The following TNN variants were observed in gnomAD, a reference collection of about 807,000 sequenced individuals.
TNN encodes the protein tenascin N.
Under a neutral mutation model 134.4 loss-of-function variants are expected in TNN, and 122 were observed. The ratio of observed to expected loss-of-function variants is 0.91; its 90% CI spans 0.78 to 1.06. The LOEUF (loss-of-function observed/expected upper bound fraction) is 1.06, where lower values mean the gene tolerates loss of function less well. Among genes scored for constraint, TNN ranks in the 50% least tolerant of loss-of-function variants. TNN has a pLI of 0.00. For synonymous variants in TNN, 710 were observed against 670.3 expected (o/e 1.06, Z -0.91); for missense variants, 1,739 against 1,699.4 (o/e 1.02, Z -0.41).
At chr1:175,096,446 A>G (rs372083443) in intron 7 of TNN, among the ~76,000 whole-genome samples, 1 of 152,200 alleles carries the variant, frequency 6.6e-6, no homozygotes, top group African/African-American at 2.4e-5. Context: ...AGGGTGAGTC[A>G]CTGCATGTGG....
rs1036503430 is a variant in TNN, at chr1:175,095,716, G to A, written c.1588+1463G>A. Among the ~76,000 whole-genome samples the A allele has an allele frequency of 3.3e-5, 5 of 152,164 alleles. No homozygotes were observed. The East Asian group carries it at 9.6e-4, about 29-fold the overall frequency. On this transcript the variant is annotated intron_variant, in intron 7 of 18. Coordinates refer to ENST00000239462, the MANE Select transcript of TNN (RefSeq NM_022093.2). ...AGCCTCCCAAGTAGCTGGGATTTCA[G>A]GCACCCGCCACCACGCCCAGCTAAT...
chr1:175,123,605 C>T lies in TNN; in HGVS notation c.2856C>T (p.His952=), dbSNP rs138474300. 26 of 1,614,128 alleles carry T rather than the reference C, an allele frequency of 1.6e-5. No homozygotes were observed. The highest frequency in any genetic ancestry group is 2.2e-5 in the South Asian group (2 of 91,080). The change falls in exon 12 of 19, where the codon CAC becomes CAT. Residue 952 remains histidine, a synonymous_variant. Transcript: ENST00000239462. ...GLRPGMEYMV[H]VWAQKGAQES... ...GACCAGGCATGGAGTACATGGTGCA[C>T]GTGTGGGCCCAGAAGGGGGCCCAGG...
chr1:175,117,082 G>A lies in TNN; in HGVS notation c.2263G>A (p.Val755Met). Residue 755 changes from valine to methionine, a missense_variant, in exon 10 of 19, where the codon GTG (valine) becomes ATG (methionine). Val to Met is a conservative substitution (Grantham distance 21). Transcript: ENST00000239462. ...GGACGGAGAGACCAGGGAGGTTCCG[G>A]TGGGGAAGGAGCAGAGTAGCACTGT... ...AKDGETREVPVGKEQSSTVLT... is the reference protein window; with the variant it reads ...AKDGETREVPMGKEQSSTVLT... 6.2e-7 allele frequency: 1 copy of A among 1,614,268 alleles called. No individual in the cohort carries two copies. Among genetic ancestry groups the A allele is most frequent in the Non-Finnish European group, 8.5e-7 (1 of 1,180,046 alleles).
At chr1:175,100,206 G>A (rs1212652818) in intron 9 of TNN, among the ~76,000 whole-genome samples, 1 of 152,202 alleles carries the variant, frequency 6.6e-6, no homozygotes, top group Non-Finnish European at 1.5e-5. Flanking sequence ...CTATCTTGGG[G>A]TGGATAATTC....
At chr1:175,127,872 C>T (rs1675571134) in intron 13 of TNN, among the ~76,000 whole-genome samples, 160 bp from the exon 14 acceptor site, 1 of 152,198 alleles carries the variant, frequency 6.6e-6, no homozygotes, top group South Asian at 2.1e-4. Flanking sequence ...GTGGCTGGGA[C>T]CCACTGCGAT....
At chr1:175,115,841 A>G (rs1675153212) in intron 9 of TNN, among the ~76,000 whole-genome samples, 1 of 152,150 alleles carries the variant, frequency 6.6e-6, no homozygotes. Context: ...TAGGTGTACA[A>G]GGTGCTGATA....
rs1005516395 is a variant in TNN at position 175,094,201 on chromosome 1, G to T, written c.1536G>T (p.Trp512Cys). The change falls in exon 7 of 19, where the codon TGG becomes TGT. Residue 512 changes from tryptophan (W) to cysteine (C), a missense_variant. Trp to Cys is a radical substitution (Grantham distance 215). Transcript: ENST00000239462. ...GAGAGGCATACAAGGTCTACGTGTGGGCTGAAAGGGGCAACCAGGGGAGCA... is the reference window on the plus strand; with the variant it reads ...GAGAGGCATACAAGGTCTACGTGTGTGCTGAAAGGGGCAACCAGGGGAGCA... ...KPGEAYKVYV[W>C]AERGNQGSKK... 3.7e-6 allele frequency: 6 copies of T among 1,612,894 alleles called. No individual in the cohort carries two copies. Among genetic ancestry groups the T allele is most frequent in the Non-Finnish European group, 4.2e-6 (5 of 1,179,196 alleles).
chr1:175,099,916 C>T (rs1357413598), intron 9 of TNN, among the ~76,000 whole-genome samples: 1 of 152,172 alleles, frequency 6.6e-6, no homozygotes, highest in Non-Finnish European at 1.5e-5. Flanking sequence ...GTTCCCCCAG[C>T]GCCTCTCTGG....
At position 175,127,000 on chromosome 1, in the gene TNN, C is replaced by T. The variant is rs764006241; in HGVS notation, c.2960C>T (p.Ser987Phe). The change falls in exon 13 of 19, where the codon TCT becomes TTT. Residue 987 changes from serine (S) to phenylalanine (F), a missense_variant. Transcript: ENST00000239462. The stretch of plus-strand genomic sequence containing the variant: ...CTTCGTCCATCTGCTGTAACGCAGT[C>T]TGGTGGCATATTGACCTGGACGCCC... ...RNLRPSAVTQ[S>F]GGILTWTPPS... The T allele has an allele frequency of 1.2e-6, 2 of 1,614,184 alleles. No individual in the cohort carries two copies. Among genetic ancestry groups the T allele is most frequent in the Non-Finnish European group, 1.7e-6 (2 of 1,180,022 alleles).
At chr1:175,145,955 T>C (rs552381908) in intron 18 of TNN, among the ~76,000 whole-genome samples, 1 of 152,282 alleles carries the variant, frequency 6.6e-6, no homozygotes, top group Middle Eastern at 3.4e-3. Flanking sequence ...TCTGCAGCCC[T>C]GATCCTAAGC....
intron 15 of TNN, among the ~76,000 whole-genome samples, chr1:175,130,306 A>C (rs1410988462): frequency 4.6e-5 from 7 of 152,264 alleles, no homozygotes; most frequent in African/African-American, 1.7e-4. Flanking sequence ...TCTGATGAGC[A>C]GCAATGAAGA....
chr1:175,098,648 A>G lies in TNN; in HGVS notation c.2119+53A>G, dbSNP rs1015059864. On this transcript the variant is annotated intron_variant, in intron 9 of 18. Transcript: ENST00000239462. ...GATGCCATGCTCAGGGTCTGTCTAC[A>G]TGGGGTTTTCTTCTCTGACCTTGGC... 7 of 1,608,838 alleles carry G rather than the reference A, an allele frequency of 4.4e-6. No homozygotes were observed. In the African/African-American group the frequency reaches 8.0e-5, roughly 18 times the overall value.
At chr1:175,141,111 G>A (rs1675935546) in intron 17 of TNN, among the ~76,000 whole-genome samples, 1 of 152,152 alleles carries the variant, frequency 6.6e-6, no homozygotes, top group Non-Finnish European at 1.5e-5. Flanking sequence ...TTCCACTCAA[G>A]TTATATCAGA....
At chr1:175,128,221 C>G (rs2269652) in intron 14 of TNN, 57 bp downstream of exon 14, 361,911 of 1,492,126 alleles carry the variant, frequency 0.24, 44,760 homozygotes, top group African/African-American at 0.33. Flanking sequence ...CACCGGAAAG[C>G]CTAGCAAAGG....
chr1:175,105,356 C>T (rs1284607973), intron 9 of TNN, among the ~76,000 whole-genome samples: 2 of 145,464 alleles, frequency 1.4e-5, no homozygotes, highest in East Asian at 4.6e-4. Context: ...TAACCGATAG[C>T]CCGGGGGTTT....
At position 175,118,834 on chromosome 1, in the gene TNN, G is replaced by T; in HGVS notation, c.2650+10G>T. 2 of 1,613,818 alleles carry T rather than the reference G, an allele frequency of 1.2e-6. No individual in the cohort carries two copies. The highest frequency in any genetic ancestry group is 1.7e-6 in the Non-Finnish European group (2 of 1,179,904). Reference sequence around the variant, plus strand: ...ACCAAGGCCCAGACAGGTAATAGAAGTGAAGAGAAGAGCAAACCCGGGTAG... The same window carrying T: ...ACCAAGGCCCAGACAGGTAATAGAATTGAAGAGAAGAGCAAACCCGGGTAG... On this transcript the variant is annotated intron_variant, in intron 11 of 18. Transcript: ENST00000239462.
In TNN at chr1:175,092,800, C is replaced by T. The variant is rs1285820218; in HGVS notation, c.1325-1190C>T. On this transcript the variant is annotated intron_variant, in intron 6 of 18. Transcript: ENST00000239462. ...CACTCCATTTTGCAAATTACTTGGG[C>T]CCCAAGCCAACAAATCATTCATTGT... is the stretch of plus-strand genomic sequence containing the variant. 3.9e-5 allele frequency among the ~76,000 whole-genome samples: 6 copies of T among 152,152 alleles called. No individual in the cohort carries two copies. In the East Asian group the frequency reaches 1.2e-3, roughly 29 times the overall value.
chr1:175,099,148 C>T (rs1674652793), intron 9 of TNN, among the ~76,000 whole-genome samples: 1 of 152,224 alleles, frequency 6.6e-6, no homozygotes, highest in South Asian at 2.1e-4. Flanking sequence ...ATGAAATCTT[C>T]TCCTCTCTCT....
intron 9 of TNN, among the ~76,000 whole-genome samples, chr1:175,103,261 A>G (rs182052064): frequency 6.8e-6 from 1 of 146,390 alleles, no homozygotes; most frequent in African/African-American, 2.5e-5. Context: ...TGATTTCAGA[A>G]GCCTTTTCCT....
Sources: gnomAD v4.1 joint callset for allele counts (sites outside exome capture counted in the v4.1 genomes callset) on GRCh38, gnomAD v4.1.1 for gene constraint, MANE v1.5 for transcripts, NCBI Gene and HGNC (gene_info 2026-07-23, HGNC 2026-07-21) for gene names.